SUPT3H: variants seen among roughly 807,000 people sequenced by gnomAD.
SUPT3H encodes the protein transcription initiation protein SPT3 homolog.
In SUPT3H, 44 loss-of-function variants were observed where a neutral mutation model predicts 44.3. The ratio of observed to expected loss-of-function variants is 0.99; its 90% CI spans 0.78 to 1.28. SUPT3H has a LOEUF of 1.28. Among genes scored for constraint, SUPT3H ranks in the 50% most tolerant of loss-of-function variants. The probability of loss-of-function intolerance (pLI) is 0.00; values close to 1 mark genes in which losing one functional copy is unlikely to be tolerated. For missense variants in SUPT3H, 380 were observed against 387.1 expected (o/e 0.98, Z 0.15); for synonymous variants, 124 against 125.6 (o/e 0.99, Z 0.09).
chr6:44,831,833 A>AAGGTCACT (rs2153410641), intron 10 of SUPT3H, among the ~76,000 whole-genome samples: 1 of 152,298 alleles, frequency 6.6e-6, no homozygotes, highest in Non-Finnish European at 1.5e-5. Context: ...TAGCATGGAA[A>AAGGTCACT]AGGTCACTTT....
At chr6:45,189,127 T>TA (rs773492690) in intron 2 of SUPT3H, among the ~76,000 whole-genome samples, 91 of 151,862 alleles carry the variant, frequency 6.0e-4, no homozygotes, top group Non-Finnish European at 1.0e-3. Flanking sequence ...AGAAAGAACT[T>TA]AAAAAAAATA....
chr6:44,958,872 G>GT (rs10670652), intron 7 of SUPT3H, among the ~76,000 whole-genome samples: 64,333 of 98,224 alleles, frequency 0.65, 23,274 homozygotes, highest in East Asian at 0.93. Context: ...CTTATCAATG[G>GT]TTTTTTTTTT....
At chr6:44,971,079 T>A (rs1302741168) in intron 6 of SUPT3H, among the ~76,000 whole-genome samples, 1 of 151,060 alleles carries the variant, frequency 6.6e-6, no homozygotes. Flanking sequence ...GCTTGCAATC[T>A]CCCTTTGTTG....
chr6:45,377,570 C>A (rs1582042508), intron 1 of SUPT3H, 198 bp downstream of exon 1: 1 of 152,408 alleles, frequency 6.6e-6, no homozygotes, highest in East Asian at 1.9e-4. Flanking sequence ...CTGCGCCCGG[C>A]CAGCGCCTCC....
intron 10 of SUPT3H, among the ~76,000 whole-genome samples, chr6:44,867,387 C>G (rs747435884): frequency 6.6e-6 from 1 of 151,968 alleles, no homozygotes; most frequent in African/African-American, 2.4e-5. Flanking sequence ...GTGATCCTCC[C>G]GCCTCGGCCT....
chr6:44,951,252 T>TA (rs60174135), intron 9 of SUPT3H, among the ~76,000 whole-genome samples: 1 of 150,590 alleles, frequency 6.6e-6, no homozygotes, highest in Non-Finnish European at 1.5e-5. Flanking sequence ...TTTTTTTTTT[T>TA]AAACTTCTGT....
intron 9 of SUPT3H, among the ~76,000 whole-genome samples, chr6:44,951,649 T>TA (rs1774334371): frequency 6.6e-6 from 1 of 152,166 alleles, no homozygotes; most frequent in African/African-American, 2.4e-5. Context: ...ACATATAGGA[T>TA]ATTCCTCTCA....
At chr6:45,027,669 G>A (rs1178366567) in intron 3 of SUPT3H, among the ~76,000 whole-genome samples, 1 of 152,136 alleles carries the variant, frequency 6.6e-6, no homozygotes, top group Non-Finnish European at 1.5e-5. Context: ...TCTCCCCTGT[G>A]GTGGGCTACA....
chr6:45,314,509 T>C (rs1417150642), intron 2 of SUPT3H, among the ~76,000 whole-genome samples: 2 of 152,002 alleles, frequency 1.3e-5, no homozygotes, highest in African/African-American at 4.8e-5. Flanking sequence ...GCAATCAAGC[T>C]GAGAAATCAA....
chr6:44,909,359 T>C (rs1766652991), intron 10 of SUPT3H, among the ~76,000 whole-genome samples: 1 of 152,182 alleles, frequency 6.6e-6, no homozygotes, highest in Non-Finnish European at 1.5e-5. Flanking sequence ...TCCCTAATTA[T>C]ACTTTTCAAG....
chr6:45,142,986 G>A (rs908913379), intron 2 of SUPT3H, among the ~76,000 whole-genome samples: 2 of 151,528 alleles, frequency 1.3e-5, no homozygotes, highest in Non-Finnish European at 2.9e-5. Flanking sequence ...CATAATAAAA[G>A]AGTAAGTCCA....
At chr6:44,966,848 T>C (rs1776850683) in intron 6 of SUPT3H, among the ~76,000 whole-genome samples, 1 of 152,208 alleles carries the variant, frequency 6.6e-6, no homozygotes, top group African/African-American at 2.4e-5. Context: ...TAATCACAGA[T>C]GATTTATCAT....
chr6:44,838,710 A>G (rs1049414225), intron 10 of SUPT3H, among the ~76,000 whole-genome samples: 1 of 152,174 alleles, frequency 6.6e-6, no homozygotes, highest in Non-Finnish European at 1.5e-5. Context: ...GATTCTCTTG[A>G]ATCACTGCTT....
intron 2 of SUPT3H, among the ~76,000 whole-genome samples, chr6:45,337,339 C>T (rs1788782739): frequency 6.6e-6 from 1 of 151,694 alleles, no homozygotes; most frequent in Non-Finnish European, 1.5e-5. Context: ...GTACGTACCT[C>T]TTCCTTATCA....
intron 3 of SUPT3H, among the ~76,000 whole-genome samples, chr6:45,058,896 T>A (rs1791540717): frequency 1.3e-5 from 2 of 152,254 alleles, no homozygotes; most frequent in South Asian, 4.1e-4. Context: ...TCTACCCGAA[T>A]TGCAAGTGTT....
intron 1 of SUPT3H, among the ~76,000 whole-genome samples, chr6:45,371,384 T>C (rs1796044379): frequency 6.7e-6 from 1 of 149,578 alleles, no homozygotes; most frequent in Admixed American, 6.7e-5. Flanking sequence ...ACTTCACCAG[T>C]ATTAGCTCAC....
At chr6:44,887,792 G>C (rs573808036) in intron 10 of SUPT3H, among the ~76,000 whole-genome samples, 270 of 151,408 alleles carry the variant, frequency 1.8e-3, no homozygotes, top group Non-Finnish European at 3.2e-3. Flanking sequence ...AGGAAATAGA[G>C]ACACAAAAAA....
chr6:45,298,166 T>C (rs1781585443), intron 2 of SUPT3H, among the ~76,000 whole-genome samples: 2 of 152,140 alleles, frequency 1.3e-5, no homozygotes, highest in South Asian at 4.1e-4. Context: ...TGAATGATCA[T>C]GACTTCAGAA....
chr6:44,834,543 C>T (rs1395313105), intron 10 of SUPT3H, among the ~76,000 whole-genome samples: 1 of 152,142 alleles, frequency 6.6e-6, no homozygotes, highest in East Asian at 1.9e-4. Context: ...TGAACAAACC[C>T]TTTACTAACA....
Sources: allele counts gnomAD v4.1 joint callset (sites outside exome capture counted in the v4.1 genomes callset), GRCh38; gene constraint gnomAD v4.1.1; transcripts MANE v1.5; gene names NCBI Gene and HGNC (gene_info 2026-07-23, HGNC 2026-07-21).